Variants in MACF1 observed in about 807,000 individuals in gnomAD.
MACF1 encodes microtubule-actin cross-linking factor 1.
MACF1 carries 193 observed loss-of-function variants against 854.8 expected under a neutral mutation model. That is an observed-to-expected ratio of 0.23 (90% CI 0.20 to 0.25). The LOEUF is 0.25. Ranked by LOEUF, MACF1 falls within the 10% of genes least tolerant of loss-of-function variation. The pLI is 1.00. For missense variants in MACF1, 7,722 were observed against 8,929.1 expected (o/e 0.86, Z 5.45); for synonymous variants, 3,185 against 3,226.7 (o/e 0.99, Z 0.44).
chr1:39,280,100 C>T (rs1366641541), intron 6 of MACF1, among the ~76,000 whole-genome samples: 3 of 151,980 alleles, frequency 2.0e-5, no homozygotes, highest in African/African-American at 7.3e-5. Context: ...GCTCTGTCAC[C>T]TAGGCGGGAG....
At chr1:39,207,301 G>A (rs148130133) in intron 1 of MACF1, among the ~76,000 whole-genome samples, 27 of 146,396 alleles carry the variant, frequency 1.8e-4, no homozygotes, top group Admixed American at 1.5e-3. Flanking sequence ...TTTTGGAGAC[G>A]GAGTTTTGCT....
In MACF1 at chr1:39,430,806, G is replaced by A. The variant is rs779675442; in HGVS notation, c.17235G>A (p.Leu5745=). Residue 5745 remains leucine, a synonymous_variant, in exon 66 of 101, where the codon CTG becomes CTA. Coordinates refer to ENST00000564288, the MANE Select transcript of MACF1 (RefSeq NM_001394062.1). ...TGCCCTGGAGAGCCAGAGAAGGGCT[G>A]GATAAACTTGTGTCCGATGCTAACG... ...ELVPWRAREG[L]DKLVSDANEQ... 1.6e-5 allele frequency: 25 copies of A among 1,612,622 alleles called. No homozygotes were observed. In the East Asian group the frequency reaches 5.6e-4, roughly 36 times the overall value.
rs866784669 is a variant in MACF1 at position 39,361,575 on chromosome 1, C to A, written c.12669C>A (p.His4223Gln). Reference sequence around the variant, plus strand: ...TACCCCAGGCAGAGATGTTTGAACACCTCTCTGGTAAGCTGCAGCAGTTCA... The same window carrying A: ...TACCCCAGGCAGAGATGTTTGAACAACTCTCTGGTAAGCTGCAGCAGTTCA... ...KLLPQAEMFE[H>Q]LSGKLQQFME... The change falls in exon 49 of 101, where the codon CAC becomes CAA. Residue 4223 changes from histidine to glutamine, a missense_variant. Around this residue, in one of 15 missense-constraint regions of MACF1, gnomAD observed 2,807 missense variants for 3,235.8 expected, o/e 0.87. Transcript: ENST00000564288. The A allele has an allele frequency of 6.2e-7, 1 of 1,614,132 alleles. No homozygotes were observed.
intron 23 of MACF1, among the ~76,000 whole-genome samples, chr1:39,303,861 A>C (rs1646106334): frequency 6.6e-6 from 1 of 151,596 alleles, no homozygotes; most frequent in African/African-American, 2.4e-5. Context: ...TGGGCGACAA[A>C]GGGAGACTCC....
At chr1:39,428,355 T>G in intron 63 of MACF1, 68 bp downstream of exon 63, 1 of 1,409,532 alleles carries the variant, frequency 7.1e-7, no homozygotes, top group Non-Finnish European at 9.5e-7. Flanking sequence ...CATGTTTCTC[T>G]TCATTTATTT....
At chr1:39,146,312 G>A (rs1223086602) in intron 2 of MACF1, among the ~76,000 whole-genome samples, 1 of 151,868 alleles carries the variant, frequency 6.6e-6, no homozygotes, top group Non-Finnish European at 1.5e-5. Context: ...GTATGGTGGC[G>A]CACACCTGTA....
chr1:39,331,119 A>G, intron 36 of MACF1, 84 bp from the exon 37 acceptor site: 1 of 1,440,806 alleles, frequency 6.9e-7, no homozygotes, highest in South Asian at 1.5e-5. Context: ...ACTCCTTTCA[A>G]TAGTTGTGCT....
chr1:39,343,529 T>C (rs1378828958), intron 40 of MACF1, among the ~76,000 whole-genome samples: 1 of 152,232 alleles, frequency 6.6e-6, no homozygotes, highest in Non-Finnish European at 1.5e-5. Flanking sequence ...TAGTGTGAGA[T>C]ATAAAAACAT....
intron 49 of MACF1, among the ~76,000 whole-genome samples, chr1:39,367,053 T>C (rs1320216591): frequency 2.0e-5 from 3 of 151,202 alleles, no homozygotes; most frequent in Admixed American, 2.0e-4. Flanking sequence ...ATTCAAGTGA[T>C]TCTTCTGCCT....
chr1:39,262,614 A>G (rs1394216342), intron 6 of MACF1, among the ~76,000 whole-genome samples: 3 of 152,144 alleles, frequency 2.0e-5, no homozygotes, highest in African/African-American at 7.2e-5. Context: ...ACAACTTATT[A>G]TAATTATTAA....
In MACF1 at chr1:39,332,783, C is replaced by T; in HGVS notation, c.6195C>T (p.Thr2065=). ...EDCTTEKGKK[T]TVETEDSSVE... ...GCACTACAGAAAAAGGCAAAAAGAC[C>T]ACTGTAGAAACAGAAGATTCTTCTG... Residue 2065 remains threonine (T), a synonymous_variant, in exon 37 of 101, where the codon ACC becomes ACT. Transcript: ENST00000564288. The T allele has an allele frequency of 6.2e-7, 1 of 1,614,084 alleles. No individual in the cohort carries two copies. The highest frequency in any genetic ancestry group is 2.2e-5 in the East Asian group (1 of 44,884).
rs1424581152 is a variant in MACF1 at position 39,477,068 on chromosome 1, T to TACATACACACAC, written c.21959-2729_21959-2728insCATACACACACA. On this transcript the variant is annotated intron_variant, in intron 97 of 100. Coordinates refer to ENST00000564288, the MANE Select transcript of MACF1 (RefSeq NM_001394062.1). ...GTGTATATATATATATATATATATA[T>TACATACACACAC]ATATATATATATATATATATATACA... is the stretch of plus-strand genomic sequence containing the variant. Among the ~76,000 whole-genome samples, 22 of 19,520 alleles carry TACATACACACAC rather than the reference T, an allele frequency of 1.1e-3. 1 individual carries two copies. The highest frequency in any genetic ancestry group is 4.8e-3 in the African/African-American group (21 of 4,382). The allele number at this position is 19,520 out of a possible 152,430, so 12.8% of individuals were successfully genotyped here.
At chr1:39,305,006 A>T (rs1229690735) in intron 23 of MACF1, 1 of 151,054 alleles carries the variant, frequency 6.6e-6, no homozygotes, top group East Asian at 2.0e-4. Flanking sequence ...CACGCTTGTA[A>T]TTCCAGCACT....
chr1:39,137,645 C>T (rs1018988413), intron 2 of MACF1, among the ~76,000 whole-genome samples: 1 of 152,244 alleles, frequency 6.6e-6, no homozygotes, highest in African/African-American at 2.4e-5. Flanking sequence ...GGATTATAGG[C>T]ATGAGCCACT....
chr1:39,437,988 A>G lies in MACF1; in HGVS notation c.18200A>G (p.Asp6067Gly), dbSNP rs1397148123. Residue 6067 changes from aspartate to glycine, a missense_variant, in exon 71 of 101, where the codon GAC (aspartate) becomes GGC (glycine). Transcript: ENST00000564288. ...CTTATTGGACGATCTCAGGGAGCAG[A>G]CAAGGATCTGGCTGCAAAAGGTGCT... is the stretch of plus-strand genomic sequence containing the variant. ...EELIGRSQGA[D>G]KDLAAKEIQD... 6.2e-7 allele frequency: 1 copy of G among 1,613,988 alleles called. No homozygotes were observed. The highest frequency in any genetic ancestry group is 1.3e-5 in the African/African-American group (1 of 74,936).
intron 55 of MACF1, among the ~76,000 whole-genome samples, chr1:39,381,026 C>T (rs1650141115): frequency 6.6e-6 from 1 of 152,064 alleles, no homozygotes; most frequent in Non-Finnish European, 1.5e-5. Context: ...TAATATTGAA[C>T]TGTAAACAAT....
At chr1:39,119,593 A>G (rs1001960073) in intron 2 of MACF1, among the ~76,000 whole-genome samples, 2 of 152,052 alleles carry the variant, frequency 1.3e-5, no homozygotes, top group African/African-American at 2.4e-5. Context: ...GTTTTCAGCA[A>G]CTTCCAGCAC....
chr1:39,288,751 C>G (rs1379335538), intron 15 of MACF1, among the ~76,000 whole-genome samples: 1 of 152,134 alleles, frequency 6.6e-6, no homozygotes, highest in Non-Finnish European at 1.5e-5. Context: ...AAGATCGCAC[C>G]ACTGCGCTCC....
chr1:39,138,190 T>A (rs1244284315), intron 2 of MACF1, among the ~76,000 whole-genome samples: 4 of 151,092 alleles, frequency 2.6e-5, no homozygotes, highest in African/African-American at 9.7e-5. Context: ...CTTGTTGAAA[T>A]ACTTTCTTGT....
Sources: allele counts gnomAD v4.1 joint callset (sites outside exome capture counted in the v4.1 genomes callset), GRCh38; gene constraint gnomAD v4.1.1; regional missense constraint gnomAD v4.1.1; transcripts MANE v1.5; gene names NCBI Gene and HGNC (gene_info 2026-07-23, HGNC 2026-07-21).